ZBED4: variants seen among roughly 807,000 people sequenced by gnomAD.
ZBED4 encodes zinc finger BED-type containing 4.
ZBED4 carries 4 observed loss-of-function variants against 15.5 expected under a neutral mutation model. The observed-to-expected ratio is 0.26, with a 90% confidence interval of 0.13 to 0.59. ZBED4 has a LOEUF of 0.59. ZBED4 is among the 20% of genes least tolerant of loss of function. The probability of loss-of-function intolerance (pLI) is 0.90; values close to 1 mark genes in which losing one functional copy is unlikely to be tolerated. For missense variants in ZBED4, 1,323 were observed against 1,461.8 expected (o/e 0.91, Z 1.55); for synonymous variants, 692 against 608.5 (o/e 1.14, Z -2.02).
rs772589944 is a variant in ZBED4 at position 49,883,804 on chromosome 22, G to A, written c.142G>A (p.Asp48Asn). 3 of 1,613,308 alleles carry A rather than the reference G, an allele frequency of 1.9e-6. No homozygotes were observed. Among genetic ancestry groups the A allele is most frequent in the Admixed American group, 1.7e-5 (1 of 59,984 alleles). ...AATGGACTTTAAAAGCGAGCAGGAG[G>A]ACATGAAGCAGACAGACAGCGGTGG... is the stretch of plus-strand genomic sequence containing the variant. Reference protein sequence around the residue: ...ERMDFKSEQEDMKQTDSGGER... With the variant: ...ERMDFKSEQENMKQTDSGGER... The change falls in exon 2 of 2, where the codon GAC becomes AAC. Residue 48 changes from aspartate (D) to asparagine (N), a missense_variant. Coordinates refer to ENST00000216268, the MANE Select transcript of ZBED4 (RefSeq NM_014838.3).
In ZBED4 at chr22:49,886,540, A is replaced by C. The variant is rs759215440; in HGVS notation, c.2878A>C (p.Met960Leu). Reference sequence around the variant, plus strand: ...GTCCACCCTCAGCCAGGTCATCCCCATGGTACACATCCTCAACAGGAAGGT... The same window carrying C: ...GTCCACCCTCAGCCAGGTCATCCCCCTGGTACACATCCTCAACAGGAAGGT... ...QMSTLSQVIP[M>L]VHILNRKVEM... Residue 960 changes from methionine to leucine, a missense_variant, in exon 2 of 2, where the codon ATG becomes CTG. Around this residue, in one of 6 missense-constraint regions of ZBED4, gnomAD observed 312 missense variants for 410.7 expected, o/e 0.76. Transcript: ENST00000216268. This position sits in a 1 kb window ranked among gnomAD's most constrained non-coding sequence, Gnocchi z 7.7. 4.5e-6 allele frequency: 7 copies of C among 1,568,028 alleles called. No homozygotes were observed. In the Admixed American group the frequency reaches 1.3e-4, roughly 29 times the overall value.
intron 1 of ZBED4, among the ~76,000 whole-genome samples, chr22:49,867,753 A>G (rs1190651983): frequency 6.6e-6 from 1 of 152,212 alleles, no homozygotes; most frequent in Admixed American, 6.5e-5. Flanking sequence ...ACTGACTGCA[A>G]GGGGGCTTCC....
chr22:49,871,892 C>G (rs557906102), intron 1 of ZBED4, among the ~76,000 whole-genome samples: 1 of 151,970 alleles, frequency 6.6e-6, no homozygotes, highest in South Asian at 2.1e-4. Flanking sequence ...ATTACAGGTG[C>G]ACACCAACAT....
At chr22:49,880,516 C>T (rs1346209032) in intron 1 of ZBED4, among the ~76,000 whole-genome samples, 1 of 152,220 alleles carries the variant, frequency 6.6e-6, no homozygotes, top group African/African-American at 2.4e-5. Flanking sequence ...CCCTCTTTAG[C>T]TTTCACACTT....
At chr22:49,873,643 G>T (rs1316749972) in intron 1 of ZBED4, among the ~76,000 whole-genome samples, 7 of 151,884 alleles carry the variant, frequency 4.6e-5, no homozygotes, top group Admixed American at 3.9e-4. Context: ...CAATTTGGGG[G>T]AAAAAAAAGT....
chr22:49,870,229 C>G (rs1345809673), intron 1 of ZBED4, among the ~76,000 whole-genome samples: 1 of 152,214 alleles, frequency 6.6e-6, no homozygotes, highest in Non-Finnish European at 1.5e-5. Context: ...TCCACCATTG[C>G]TAGGCACGTA....
At chr22:49,854,549 C>T (rs532118603) in intron 1 of ZBED4, among the ~76,000 whole-genome samples, 15 of 152,372 alleles carry the variant, frequency 9.8e-5, no homozygotes, top group Non-Finnish European at 1.3e-4. Flanking sequence ...ACTTGCCTTG[C>T]GAACCATAAT....
Position 49,885,983 on chromosome 22 carries a change from A to T in ZBED4, c.2321A>T (p.Gln774Leu). 1.4e-6 allele frequency: 1 copy of T among 699,628 alleles called. No homozygotes were observed. The highest frequency in any genetic ancestry group is 2.6e-6 in the Non-Finnish European group (1 of 383,668). 43.3% of individuals were successfully genotyped at this position (699,628 alleles called of 1,614,324 possible). ...HHCSALLDVS[Q>L]VDCDYSGNSI... ...TGCTCGGCGCTGTTGGACGTGTCGC[A>T]GGTGGACTGCGACTACAGTGGCAAC... is the stretch of plus-strand genomic sequence containing the variant. The change falls in exon 2 of 2, where the codon CAG (glutamine) becomes CTG (leucine). Residue 774 changes from glutamine to leucine, a missense_variant. This residue lies in a region of ZBED4 where 100 missense variants were observed against 79.3 expected (regional missense o/e 1.26). Transcript: ENST00000216268.
At position 49,884,802 on chromosome 22, in the gene ZBED4, C is replaced by T. The variant is rs370153801; in HGVS notation, c.1140C>T (p.Val380=). 204 of 1,609,670 alleles carry T rather than the reference C, an allele frequency of 1.3e-4. No individual in the cohort carries two copies. Among genetic ancestry groups the T allele is most frequent in the Non-Finnish European group, 1.6e-4 (186 of 1,176,862 alleles). Residue 380 remains valine, a synonymous_variant, in exon 2 of 2, where the codon GTC becomes GTT. Coordinates refer to ENST00000216268, the MANE Select transcript of ZBED4 (RefSeq NM_014838.3). The part of the protein sequence containing the change: ...SSVSSSPVKP[V]RESPSASSSP... ...TGTCCTCGTCTCCAGTAAAGCCGGTCAGAGAGTCCCCTTCGGCCTCCTCCT... is the reference window on the plus strand; with the variant it reads ...TGTCCTCGTCTCCAGTAAAGCCGGTTAGAGAGTCCCCTTCGGCCTCCTCCT...
chr22:49,885,233 C>T lies in ZBED4; in HGVS notation c.1571C>T (p.Pro524Leu), dbSNP rs777170849. The T allele has an allele frequency of 8.1e-6, 13 of 1,611,366 alleles. No individual in the cohort carries two copies. The highest frequency in any genetic ancestry group is 1.1e-5 in the Non-Finnish European group (13 of 1,178,564). ...CTGGGTGCAAGTCTGGCAAACTCTC[C>T]GTATGCCACTTTGGCCTCTGCAGAA... Reference protein sequence around the residue: ...GFLGASLANSPYATLASAESS... With the variant: ...GFLGASLANSLYATLASAESS... The change falls in exon 2 of 2, where the codon CCG becomes CTG. Residue 524 changes from proline to leucine, a missense_variant. By Grantham distance (98) the Pro-to-Leu change is moderately conservative. Transcript: ENST00000216268.
At chr22:49,859,841 C>T (rs997053326) in intron 1 of ZBED4, among the ~76,000 whole-genome samples, 16 of 152,196 alleles carry the variant, frequency 1.1e-4, no homozygotes, top group African/African-American at 1.4e-4. Context: ...GTCTAGGCAG[C>T]GTGGCAGAAC....
At chr22:49,864,487 G>A (rs932111180) in intron 1 of ZBED4, among the ~76,000 whole-genome samples, 1 of 152,138 alleles carries the variant, frequency 6.6e-6, no homozygotes, top group African/African-American at 2.4e-5. Flanking sequence ...ACACGGCCAC[G>A]TCCGATAAAC....
chr22:49,867,711 T>C (rs1288697455), intron 1 of ZBED4, among the ~76,000 whole-genome samples: 3 of 152,058 alleles, frequency 2.0e-5, no homozygotes, highest in Non-Finnish European at 4.4e-5. Context: ...CTTTTCCAGC[T>C]GCCAGATCTA....
intron 1 of ZBED4, among the ~76,000 whole-genome samples, chr22:49,864,953 G>A (rs115811895): frequency 0.028 from 251 of 9,016 alleles, 3 homozygotes; most frequent in East Asian, 0.041. Flanking sequence ...CCCCCCCCCC[G>A]TGAAGTCAGA....
rs2060424868 is a variant in ZBED4 at position 49,884,279 on chromosome 22, T to C, written c.617T>C (p.Ile206Thr). The change falls in exon 2 of 2, where the codon ATC (isoleucine) becomes ACC (threonine). Residue 206 changes from isoleucine to threonine, a missense_variant. This residue lies in a region of ZBED4 where 380 missense variants were observed against 413.7 expected (regional missense o/e 0.92). Transcript: ENST00000216268. ...GACCTCAGCACCATCCTCTCACCCA[T>C]CAAACTTGTCCAGAAAGTGGCGTCT... Reference protein sequence around the residue: ...AGDLSTILSPIKLVQKVASKI... With the variant: ...AGDLSTILSPTKLVQKVASKI... 1.9e-6 allele frequency: 3 copies of C among 1,611,954 alleles called. No homozygotes were observed. In the African/African-American group the frequency reaches 4.0e-5, roughly 22 times the overall value.
chr22:49,885,425 G>T lies in ZBED4; in HGVS notation c.1763G>T (p.Arg588Leu). ...VCLHCGRTIS[R>L]GKKPTNLGTS... The stretch of plus-strand genomic sequence containing the variant: ...TTGCACTGTGGCCGGACCATCAGCC[G>T]GGGGAAGAAGCCGACTAACTTGGGT... Residue 588 changes from arginine to leucine, a missense_variant, in exon 2 of 2, where the codon CGG (arginine) becomes CTG (leucine). This residue lies in a region of ZBED4 where 429 missense variants were observed against 397.9 expected (regional missense o/e 1.08). Transcript: ENST00000216268. 6.2e-7 allele frequency: 1 copy of T among 1,608,608 alleles called. No homozygotes were observed. The highest frequency in any genetic ancestry group is 8.5e-7 in the Non-Finnish European group (1 of 1,175,436).
chr22:49,864,583 G>C (rs1300392822), intron 1 of ZBED4, among the ~76,000 whole-genome samples: 1 of 152,150 alleles, frequency 6.6e-6, no homozygotes, highest in Non-Finnish European at 1.5e-5. Context: ...TTGGGAGGTT[G>C]AGGTGGGAGG....
chr22:49,871,517 G>A (rs2060347436), intron 1 of ZBED4, among the ~76,000 whole-genome samples: 1 of 151,990 alleles, frequency 6.6e-6, no homozygotes, highest in South Asian at 2.1e-4. Flanking sequence ...TCAGTATAAT[G>A]TAGTCTGGTA....
At chr22:49,875,835 G>A (rs1237034948) in intron 1 of ZBED4, among the ~76,000 whole-genome samples, 1 of 152,052 alleles carries the variant, frequency 6.6e-6, no homozygotes, top group African/African-American at 2.4e-5. Flanking sequence ...ATTCCTGGTA[G>A]TGGTAAATTC....
Sources: gnomAD v4.1 joint callset for allele counts (sites outside exome capture counted in the v4.1 genomes callset) on GRCh38, gnomAD v4.1.1 for gene constraint, gnomAD v4.1.1 regional missense constraint, Gnocchi (gnomAD v3.1) non-coding constraint, MANE v1.5 for transcripts, NCBI Gene and HGNC (gene_info 2026-07-23, HGNC 2026-07-21) for gene names.